The following EYS variants were observed in gnomAD, a reference collection of about 807,000 sequenced individuals.
EYS encodes protein eyes shut homolog.
EYS carries 250 observed loss-of-function variants against 282.1 expected under a neutral mutation model. The ratio of observed to expected loss-of-function variants is 0.89; its 90% CI spans 0.80 to 0.98. The LOEUF (loss-of-function observed/expected upper bound fraction) is 0.98. Among genes scored for constraint, EYS ranks in the 50% least tolerant of loss-of-function variants. EYS has a pLI of 0.00. For synonymous variants in EYS, 1,355 were observed against 1,282.9 expected (o/e 1.06, Z -1.20); for missense variants, 4,016 against 3,709.0 (o/e 1.08, Z -2.15).
rs143626517 is a variant in EYS at position 63,975,053 on chromosome 6, C to T, written c.7055+9330G>A. Among the ~76,000 whole-genome samples the T allele has an allele frequency of 1.7e-3, 258 of 151,450 alleles. 1 individual carries two copies. The highest frequency in any genetic ancestry group is 6.0e-3 in the African/African-American group (246 of 41,298). On this transcript the variant is annotated intron_variant, in intron 35 of 42. Coordinates refer to ENST00000503581, the MANE Select transcript of EYS (RefSeq NM_001142800.2). ...CTCAAAGAAAGAATAAATGACCTCA[C>T]ATCACTCCATTTTCAGAAGACCTGG...
chr6:63,721,420 C>T lies in EYS; in HGVS notation c.8611G>A (p.Val2871Ile), dbSNP rs948892214. 6.4e-7 allele frequency: 1 copy of T among 1,551,724 alleles called. No individual in the cohort carries two copies. The highest frequency in any genetic ancestry group is 8.7e-7 in the Non-Finnish European group (1 of 1,146,952). The part of the protein sequence containing the change: ...TEFGAKGGSN[V>I]GDCDGTACGY... ...CAGGCTGTCCCATCACAGTCACCTA[C>T]ATTTGAGCCACCTTTTGCTCCAAAT... The change falls in exon 43 of 43, where the codon GTA becomes ATA. Residue 2871 changes from valine to isoleucine, a missense_variant. Coordinates refer to ENST00000503581, the MANE Select transcript of EYS (RefSeq NM_001142800.2).
chr6:64,100,578 T>C (rs1331777189), intron 31 of EYS, among the ~76,000 whole-genome samples: 1 of 152,172 alleles, frequency 6.6e-6, no homozygotes, highest in African/African-American at 2.4e-5. Flanking sequence ...GGTTTTTTTA[T>C]TGATATTTAT....
intron 14 of EYS, among the ~76,000 whole-genome samples, chr6:64,970,921 G>C (rs930992188): frequency 1.3e-4 from 20 of 152,136 alleles, no homozygotes; most frequent in African/African-American, 4.3e-4. Flanking sequence ...TACATCAGCA[G>C]ATGTGAAAAC....
intron 26 of EYS, among the ~76,000 whole-genome samples, chr6:64,480,270 T>C (rs1457469863): frequency 6.6e-6 from 1 of 151,878 alleles, no homozygotes; most frequent in Non-Finnish European, 1.5e-5. Flanking sequence ...CCAGGAGTTA[T>C]AGTAAATATC....
At chr6:63,836,725 A>T (rs934889832) in intron 36 of EYS, among the ~76,000 whole-genome samples, 3 of 152,090 alleles carry the variant, frequency 2.0e-5, no homozygotes, top group Admixed American at 6.6e-5. Context: ...GCACCAACCA[A>T]ATAGTTATTG....
intron 36 of EYS, among the ~76,000 whole-genome samples, chr6:63,860,514 C>A (rs1207070105): frequency 6.6e-6 from 1 of 152,230 alleles, no homozygotes; most frequent in Non-Finnish European, 1.5e-5. Context: ...GCCCCTTGGG[C>A]AGCCAATTGT....
chr6:64,886,814 G>A lies in EYS; in HGVS notation c.2875C>T (p.His959Tyr), dbSNP rs1767104344. Reference sequence around the variant, plus strand: ...ACATCAAGTTCACAGAAGGGCCCATGGTACTCAGGTTCACAATTACAAAAA... The same window carrying A: ...ACATCAAGTTCACAGAAGGGCCCATAGTACTCAGGTTCACAATTACAAAAA... Reference protein sequence around the residue: ...RFFCNCEPEYHGPFCELDVNK... With the variant: ...RFFCNCEPEYYGPFCELDVNK... Residue 959 changes from histidine (H) to tyrosine (Y), a missense_variant, in exon 19 of 43, where the codon CAT becomes TAT. Transcript: ENST00000503581. 6.5e-7 allele frequency: 1 copy of A among 1,538,242 alleles called. No homozygotes were observed. Among genetic ancestry groups the A allele is most frequent in the Non-Finnish European group, 8.8e-7 (1 of 1,141,024 alleles).
intron 12 of EYS, among the ~76,000 whole-genome samples, chr6:65,152,448 TTA>T (rs1390871827): frequency 6.6e-6 from 1 of 151,922 alleles, no homozygotes; most frequent in African/African-American, 2.4e-5. Context: ...CAATTGGTCT[TTA>T]TAAGAAGAGG....
At chr6:65,392,575 T>C (rs922200405) in intron 7 of EYS, among the ~76,000 whole-genome samples, 1 of 152,152 alleles carries the variant, frequency 6.6e-6, no homozygotes, top group African/African-American at 2.4e-5. Flanking sequence ...GAAAAAATGC[T>C]CACCATCACT....
intron 41 of EYS, among the ~76,000 whole-genome samples, chr6:63,737,715 T>TCCTG (rs1473101989): frequency 6.6e-6 from 1 of 152,150 alleles, no homozygotes; most frequent in Non-Finnish European, 1.5e-5. Flanking sequence ...ATCCATCTGG[T>TCCTG]CCTGGACTCT....
chr6:64,450,193 G>T (rs1042816890), intron 26 of EYS, among the ~76,000 whole-genome samples: 9 of 152,060 alleles, frequency 5.9e-5, no homozygotes, highest in African/African-American at 2.2e-4. Context: ...CAAAAAAAAG[G>T]CAGGGGTTGC....
chr6:63,724,818 C>T (rs1242775736), intron 42 of EYS, among the ~76,000 whole-genome samples: 5 of 151,878 alleles, frequency 3.3e-5, no homozygotes, highest in Non-Finnish European at 5.9e-5. Flanking sequence ...ACATTGGCTG[C>T]TTTTATTAAA....
chr6:64,921,224 G>T (rs1422380819), intron 15 of EYS, among the ~76,000 whole-genome samples: 1 of 152,044 alleles, frequency 6.6e-6, no homozygotes, highest in Admixed American at 6.6e-5. Flanking sequence ...CATAAATTCA[G>T]TTAGCCGATG....
intron 1 of EYS, among the ~76,000 whole-genome samples, chr6:65,695,347 G>A (rs765708053): frequency 1.1e-4 from 16 of 151,998 alleles, no homozygotes; most frequent in Non-Finnish European, 2.2e-4. Context: ...AATATTTCCC[G>A]AAACTCTCAG....
intron 7 of EYS, among the ~76,000 whole-genome samples, chr6:65,400,982 C>T (rs1345810898): frequency 6.6e-6 from 1 of 151,928 alleles, no homozygotes; most frequent in African/African-American, 2.4e-5. Context: ...GGACAATCAG[C>T]ATCACTTACG....
At chr6:64,935,890 C>T (rs1186410006) in intron 15 of EYS, among the ~76,000 whole-genome samples, 2 of 151,518 alleles carry the variant, frequency 1.3e-5, no homozygotes, top group Non-Finnish European at 3.0e-5. Context: ...TAATGAACAC[C>T]AATCCTTCTG....
At chr6:65,094,317 G>GAAAAAAAAAAAAAAA (rs35028634) in intron 12 of EYS, among the ~76,000 whole-genome samples, 1 of 73,814 alleles carries the variant, frequency 1.4e-5, no homozygotes, top group Admixed American at 1.4e-4. Context: ...ATATCTTAAC[G>GAAAAAAAAAAAAAAA]AAAAAAAAAA....
At chr6:63,824,907 C>A (rs187534769) in intron 36 of EYS, among the ~76,000 whole-genome samples, 1 of 152,304 alleles carries the variant, frequency 6.6e-6, no homozygotes, top group East Asian at 1.9e-4. Flanking sequence ...AGCCTCCTGG[C>A]CAGAACTTGG....
chr6:64,535,848 AT>A (rs1011996257), intron 26 of EYS, among the ~76,000 whole-genome samples: 12 of 152,144 alleles, frequency 7.9e-5, no homozygotes, highest in Non-Finnish European at 1.3e-4. Flanking sequence ...GTAGTTAACC[AT>A]TTTTTTGTCA....
Sources: gnomAD v4.1 joint callset for allele counts (sites outside exome capture counted in the v4.1 genomes callset) on GRCh38, gnomAD v4.1.1 for gene constraint, MANE v1.5 for transcripts, NCBI Gene and HGNC (gene_info 2026-07-23, HGNC 2026-07-21) for gene names.